SAA2: variants seen among roughly 807,000 people sequenced by gnomAD.
The protein encoded by SAA2 is serum amyloid A-2 protein.
Under a neutral mutation model 9.1 loss-of-function variants are expected in SAA2, and 5 were observed. The observed-to-expected ratio is 0.55, with a 90% CI of 0.29 to 1.16. SAA2 has a LOEUF of 1.16. Ranked by LOEUF, SAA2 falls within the 50% of genes most tolerant of loss-of-function variation. The pLI, the probability that SAA2 is intolerant of heterozygous loss-of-function variation, is 0.09. For synonymous variants in SAA2, 49 were observed against 59.8 expected, an observed-to-expected ratio of 0.82 and a Z score of 0.83; for missense variants, 94 against 153.8, an observed-to-expected ratio of 0.61 and a Z score of 2.06.
downstream of SAA2, among the ~76,000 whole-genome samples, chr11:18,238,650 T>C (rs2134130689): frequency 6.6e-6 from 1 of 152,358 alleles, no homozygotes; most frequent in Admixed American, 6.5e-5. Context: ...ATTTATCCTT[T>C]GTGTTACAAA....
chr11:18,247,670 T>G (rs1857622662), intron 2 of SAA2, among the ~76,000 whole-genome samples: 1 of 145,542 alleles, frequency 6.9e-6, no homozygotes, highest in Non-Finnish European at 1.5e-5. Flanking sequence ...TGCAGCGGCT[T>G]CTGAAATGTG....
downstream of SAA2, among the ~76,000 whole-genome samples, chr11:18,244,695 C>T (rs1347715663): frequency 1.3e-5 from 2 of 152,130 alleles, no homozygotes. Flanking sequence ...TAGTTAAGCT[C>T]CAGAAACTCA....
chr11:18,247,489 A>AACTGG (rs1554918955), intron 2 of SAA2, among the ~76,000 whole-genome samples: 1 of 139,006 alleles, frequency 7.2e-6, no homozygotes, highest in African/African-American at 2.8e-5. Context: ...TTCTCTGAGT[A>AACTGG]ACTGACAACA....
At chr11:18,239,409 A>C (rs1288033106) in exon 4 of SAA2, 3 of 302,770 alleles carry the variant, frequency 9.9e-6, no homozygotes, top group Non-Finnish European at 1.8e-5. Flanking sequence ...TATTTCTTCT[A>C]ACTGCTAGTT....
rs77576342 is a variant in SAA2 at position 18,240,140 on chromosome 11, A to G, written c.231-171T>C. On this transcript the variant is annotated intron_variant, in intron 3 of 3. Transcript: ENST00000414546. ...GAATGTACACAAATTTTTTGAAGTC[A>G]TAAATGATTATTAGGAAGAATGAGT... 5.6e-3 allele frequency: 4,690 copies of G among 842,426 alleles called. 151 individuals carry two copies. The African/African-American group carries it at 0.071, about 13-fold the overall frequency. 52.2% of individuals were successfully genotyped at this position (842,426 alleles called of 1,614,324 possible).
At chr11:18,240,118 T>G in intron 3 of SAA2, 1 of 1,124,980 alleles carries the variant, frequency 8.9e-7, no homozygotes, top group African/African-American at 1.6e-5. Flanking sequence ...AGATGGGGAA[T>G]GTACACAAAT....
At chr11:18,240,756 A>G (rs1034878833), downstream of SAA2, among the ~76,000 whole-genome samples, 12 of 152,194 alleles carry the variant, frequency 7.9e-5, no homozygotes, top group African/African-American at 2.9e-4. Flanking sequence ...TAAGACCTGA[A>G]ACAAAAAATT....
At chr11:18,238,350 A>G (rs1383220338), downstream of SAA2, among the ~76,000 whole-genome samples, 1 of 152,156 alleles carries the variant, frequency 6.6e-6, no homozygotes, top group Non-Finnish European at 1.5e-5. Flanking sequence ...CAGCTTATTT[A>G]TCTTCTGATT....
At chr11:18,238,929 T>C (rs1857268699), downstream of SAA2, among the ~76,000 whole-genome samples, 1 of 152,124 alleles carries the variant, frequency 6.6e-6, no homozygotes, top group Non-Finnish European at 1.5e-5. Flanking sequence ...TGTTTGTCTT[T>C]CTGTTCCTGA....
downstream of SAA2, among the ~76,000 whole-genome samples, chr11:18,238,523 AT>A (rs1254371907): frequency 3.3e-5 from 5 of 151,732 alleles, no homozygotes; most frequent in Admixed American, 1.3e-4. Flanking sequence ...CTTTTTAAAA[AT>A]TTTTTGTGGG....
chr11:18,240,334 T>C (rs2134132896), downstream of SAA2: 2 of 702,216 alleles, frequency 2.8e-6, no homozygotes, highest in East Asian at 5.4e-5. Context: ...TATTGTTTTC[T>C]CTTTCATGGG....
intron 3 of SAA2, 68 bp downstream of exon 3, chr11:18,245,842 C>T: frequency 3.8e-6 from 6 of 1,566,924 alleles, no homozygotes; most frequent in Non-Finnish European, 5.2e-6. Context: ...GAGCTCGTCT[C>T]CCTCCTGACT....
chr11:18,240,213 G>T, intron 3 of SAA2: 1 of 710,968 alleles, frequency 1.4e-6, no homozygotes, highest in South Asian at 1.5e-5. Context: ...CTTGAAATTT[G>T]AATGAGGCAA....
At chr11:18,245,576 T>C (rs1857485442) in intron 3 of SAA2, 61 bp from the exon 4 acceptor site, 8 of 1,586,250 alleles carry the variant, frequency 5.0e-6, no homozygotes, top group Non-Finnish European at 6.9e-6. Context: ...CAGCTCACCC[T>C]CCCATTCTCC....
At chr11:18,247,896 T>C (rs1446492014) in intron 2 of SAA2, 25 bp downstream of exon 2, 52 of 1,613,660 alleles carry the variant, frequency 3.2e-5, no homozygotes, top group Non-Finnish European at 4.4e-5. Context: ...TCTTCAGAAA[T>C]CCTGCAAACC....
Position 18,245,240 on chromosome 11 carries a change from T to C in SAA2, c.*137A>G. 6.8e-7 allele frequency: 1 copy of C among 1,474,934 alleles called. No homozygotes were observed. The highest frequency in any genetic ancestry group is 9.0e-7 in the Non-Finnish European group (1 of 1,112,126). 91.4% of individuals were successfully genotyped at this position (1,474,934 alleles called of 1,614,324 possible). On this transcript the variant is annotated 3_prime_UTR_variant, in exon 4 of 4. Transcript: ENST00000256733. ...AAGAAGAACACACTGTTTCAACAAA[T>C]TCCACCTCTTAAGCATTTATTAGAT...
downstream of SAA2, chr11:18,242,858 C>A (rs1409926471): frequency 1.4e-6 from 1 of 699,584 alleles, no homozygotes; most frequent in African/African-American, 1.8e-5. Context: ...AATAACGAAA[C>A]AAAACAAAAC....
At chr11:18,246,855 A>G (rs1265974655) in intron 2 of SAA2, among the ~76,000 whole-genome samples, 4 of 152,214 alleles carry the variant, frequency 2.6e-5, no homozygotes, top group Admixed American at 1.3e-4. Context: ...AGAGAAACTG[A>G]AAGTCCCAGT....
At chr11:18,243,222 CT>C (rs1193365295), downstream of SAA2, among the ~76,000 whole-genome samples, 1 of 151,916 alleles carries the variant, frequency 6.6e-6, no homozygotes, top group Non-Finnish European at 1.5e-5. Flanking sequence ...CCAAATGTTG[CT>C]TCAGTTAATT....
Sources: gnomAD v4.1 joint callset for allele counts (sites outside exome capture counted in the v4.1 genomes callset) on GRCh38, gnomAD v4.1.1 for gene constraint, MANE v1.5 for transcripts, NCBI Gene and HGNC (gene_info 2026-07-23, HGNC 2026-07-21) for gene names.